Variants in PM20D2 observed in about 807,000 individuals in gnomAD.
The protein encoded by PM20D2 is peptidase M20 domain containing 2.
In PM20D2, 33 loss-of-function variants were observed where a neutral mutation model predicts 42.9. The ratio of observed to expected loss-of-function variants is 0.77; its 90% CI spans 0.58 to 1.03. The LOEUF is 1.03. Among genes scored for constraint, PM20D2 ranks in the 50% least tolerant of loss-of-function variants. The pLI is 0.00. For synonymous variants in PM20D2, 250 were observed against 228.2 expected (o/e 1.10, Z -0.86); for missense variants, 548 against 557.0 (o/e 0.98, Z 0.16).
At chr6:89,120,757 T>C in the PM20D2 span, among the ~76,000 whole-genome samples, 2 of 152,216 alleles carry the variant, frequency 1.3e-5, no homozygotes, top group African/African-American at 4.8e-5. Flanking sequence ...CTTGTAGTCC[T>C]AGCTGCTCAG....
chr6:89,098,633 G>T, the PM20D2 span: 1 of 1,613,834 alleles, frequency 6.2e-7, no homozygotes, highest in South Asian at 1.1e-5. Flanking sequence ...CCGAAAATGA[G>T]AATGCTTTGC....
upstream of PM20D2, among the ~76,000 whole-genome samples, chr6:89,142,149 G>A (rs777453066): frequency 6.6e-6 from 1 of 152,028 alleles, no homozygotes; most frequent in Non-Finnish European, 1.5e-5. Flanking sequence ...GCAATGTGTT[G>A]TACACTTCCT....
At position 89,146,335 on chromosome 6, in the gene PM20D2, ACTT is replaced by A; in HGVS notation, c.196_198del (p.Phe66del). On this transcript the variant is annotated inframe_deletion, in exon 1 of 7. Transcript: ENST00000275072. Reference sequence around the variant, plus strand: ...CACCATGCCCACCGCGTGCTGACGCACTTCTTCGAGCGGGAGCCGCCCGCGGCC... The same window carrying A: ...CACCATGCCCACCGCGTGCTGACGCACTTCGAGCGGGAGCCGCCCGCGGCC... 1 of 1,570,214 alleles carries A rather than the reference ACTT, an allele frequency of 6.4e-7. No homozygotes were observed. Among genetic ancestry groups the A allele is most frequent in the East Asian group, 2.3e-5 (1 of 43,540 alleles).
the PM20D2 span, among the ~76,000 whole-genome samples, chr6:89,101,345 A>T: frequency 1.3e-5 from 2 of 152,236 alleles, no homozygotes; most frequent in East Asian, 3.9e-4. Flanking sequence ...CAATTTCAAA[A>T]AGCTCAATAA....
At chr6:89,096,174 T>C in the PM20D2 span, 1 of 152,196 alleles carries the variant, frequency 6.6e-6, no homozygotes, top group African/African-American at 2.4e-5. Flanking sequence ...CATTTCTTTC[T>C]AAACATGATT....
the PM20D2 span, among the ~76,000 whole-genome samples, chr6:89,133,656 C>A: frequency 7.1e-4 from 107 of 151,220 alleles, no homozygotes; most frequent in Non-Finnish European, 9.0e-4. Flanking sequence ...CGGAATGGCC[C>A]CTTAAGGGAC....
chr6:89,098,637 G>A, the PM20D2 span: 1 of 1,613,930 alleles, frequency 6.2e-7, no homozygotes, highest in Non-Finnish European at 8.5e-7. Flanking sequence ...AAATGAGAAT[G>A]CTTTGCTGTT....
At chr6:89,160,416 G>A (rs975196395) in intron 5 of PM20D2, among the ~76,000 whole-genome samples, 19 of 152,186 alleles carry the variant, frequency 1.2e-4, no homozygotes, top group Non-Finnish European at 2.6e-4. Context: ...TGTTTGGAAC[G>A]TAGTATTCCA....
chr6:89,141,589 C>T (rs1770301852), upstream of PM20D2, among the ~76,000 whole-genome samples: 1 of 152,154 alleles, frequency 6.6e-6, no homozygotes, highest in African/African-American at 2.4e-5. Context: ...TGGTCTCAAA[C>T]TCCTGACCTC....
At chr6:89,117,689 G>A in the PM20D2 span, 3 of 858,636 alleles carry the variant, frequency 3.5e-6, no homozygotes, top group Non-Finnish European at 3.3e-6. Flanking sequence ...ACCTCCCCAA[G>A]TGGCGCAGCC....
chr6:89,154,957 A>AGC (rs1770986874), intron 4 of PM20D2, 55 bp downstream of exon 4: 1 of 1,380,350 alleles, frequency 7.2e-7, no homozygotes, highest in Non-Finnish European at 9.6e-7. Context: ...TATGTGGGCT[A>AGC]GCACTGTTAG....
chr6:89,144,042 G>A (rs78812701), upstream of PM20D2, among the ~76,000 whole-genome samples: 7,199 of 152,180 alleles, frequency 0.047, 491 homozygotes, highest in African/African-American at 0.15. Context: ...GAAGATAAAC[G>A]GTCAGCAAGT....
At position 89,149,289 on chromosome 6, in the gene PM20D2, G is replaced by C; in HGVS notation, c.490G>C (p.Glu164Gln). ...VKVVVLGTPA[E>Q]EDGGGKIDLI... is the part of the protein sequence containing the mutation. ...GGTAGTTGTCCTGGGAACCCCTGCA[G>C]AAGAAGATGGTGGTGGCAAAATTGA... The change falls in exon 2 of 7, where the codon GAA (glutamate) becomes CAA (glutamine). Residue 164 changes from glutamate (E) to glutamine (Q), a missense_variant. This residue lies in a region of PM20D2 where 470 missense variants were observed against 464.4 expected (regional missense o/e 1.01). Transcript: ENST00000275072. 1 of 1,613,996 alleles carries C rather than the reference G, an allele frequency of 6.2e-7. No homozygotes were observed. Among genetic ancestry groups the C allele is most frequent in the Non-Finnish European group, 8.5e-7 (1 of 1,179,944 alleles).
chr6:89,098,780 G>C, the PM20D2 span: 2 of 1,613,920 alleles, frequency 1.2e-6, no homozygotes, highest in Non-Finnish European at 1.7e-6. Flanking sequence ...ACTTGACTGT[G>C]ATTTTCCTAT....
chr6:89,124,590 A>C, the PM20D2 span, among the ~76,000 whole-genome samples: 1 of 152,190 alleles, frequency 6.6e-6, no homozygotes, highest in Non-Finnish European at 1.5e-5. Context: ...CCAGGAATAA[A>C]AAAAGCAAAG....
chr6:89,109,763 CA>C, the PM20D2 span, among the ~76,000 whole-genome samples: 62 of 152,258 alleles, frequency 4.1e-4, no homozygotes, highest in African/African-American at 1.4e-3. Context: ...CAAAAAAGTA[CA>C]GAGAATAATA....
the PM20D2 span, chr6:89,107,398 A>AGAT: frequency 3.1e-6 from 2 of 652,844 alleles, no homozygotes; most frequent in Non-Finnish European, 2.6e-6. Flanking sequence ...TGTAAGAATC[A>AGAT]TGCAAGGTTT....
chr6:89,100,705 C>G, the PM20D2 span, among the ~76,000 whole-genome samples: 2 of 152,008 alleles, frequency 1.3e-5, no homozygotes, highest in Admixed American at 1.3e-4. Context: ...CAGTGGAAAA[C>G]TACAATCTAT....
the PM20D2 span, among the ~76,000 whole-genome samples, chr6:89,102,343 C>A: frequency 2.0e-5 from 3 of 152,178 alleles, no homozygotes; most frequent in African/African-American, 7.2e-5. Flanking sequence ...GGGGTTTCGC[C>A]ATGTTGGCCA....
Sources: gnomAD v4.1 joint callset for allele counts (sites outside exome capture counted in the v4.1 genomes callset) on GRCh38, gnomAD v4.1.1 for gene constraint, gnomAD v4.1.1 regional missense constraint, MANE v1.5 for transcripts, NCBI Gene and HGNC (gene_info 2026-07-23, HGNC 2026-07-21) for gene names.